Variants in CNTN4 observed in about 807,000 individuals in gnomAD.
CNTN4 encodes the protein contactin 4.
A neutral mutation model predicts 122.5 loss-of-function variants in CNTN4; 77 were observed. The observed-to-expected ratio is 0.63, with a 90% confidence interval of 0.52 to 0.76. The LOEUF is 0.76. Ranked by LOEUF, CNTN4 falls within the 30% of genes least tolerant of loss-of-function variation. The pLI is 0.00. For missense variants in CNTN4, 1,256 were observed against 1,259.1 expected (o/e 1.00, Z 0.04); for synonymous variants, 512 against 447.0 (o/e 1.15, Z -1.83).
intron 4 of CNTN4, among the ~76,000 whole-genome samples, chr3:2,615,638 G>A (rs28424221): frequency 0.66 from 100,494 of 151,952 alleles, 33,732 homozygotes; most frequent in Admixed American, 0.7. Context: ...ATACCCTAAA[G>A]TATACTTGTT....
At chr3:2,850,634 T>A (rs1039173364) in intron 7 of CNTN4, among the ~76,000 whole-genome samples, 1 of 152,140 alleles carries the variant, frequency 6.6e-6, no homozygotes, top group Non-Finnish European at 1.5e-5. Context: ...TTATTTATCA[T>A]TTATCTAGAT....
rs572476113 is a variant in CNTN4 at position 2,450,419 on chromosome 3, G to T, written c.-89+111186G>T. The stretch of plus-strand genomic sequence containing the variant: ...ATAAAATAAAAAAGATGCCAGTCAG[G>T]TGTGTGTATAGGAGCTAGGAGATAG... On this transcript the variant is annotated intron_variant, in intron 3 of 24. Coordinates refer to ENST00000418658, the MANE Select transcript of CNTN4 (RefSeq NM_175607.3). Among the ~76,000 whole-genome samples, 19 of 151,898 alleles carry T rather than the reference G, an allele frequency of 1.3e-4. 1 individual carries two copies. The South Asian group carries it at 4.0e-3, about 32-fold the overall frequency.
At chr3:2,932,365 G>A (rs1052305759) in intron 13 of CNTN4, among the ~76,000 whole-genome samples, 7 of 152,250 alleles carry the variant, frequency 4.6e-5, no homozygotes, top group South Asian at 4.1e-4. Flanking sequence ...GTGACAGAGC[G>A]AGACTCCGTC....
At chr3:2,401,676 A>T (rs1001126498) in intron 3 of CNTN4, among the ~76,000 whole-genome samples, 2 of 152,122 alleles carry the variant, frequency 1.3e-5, no homozygotes, top group Non-Finnish European at 2.9e-5. Flanking sequence ...TCTTATTAGG[A>T]GTGAACAGTG....
At chr3:2,536,539 C>G (rs1175435167) in intron 3 of CNTN4, among the ~76,000 whole-genome samples, 2 of 151,518 alleles carry the variant, frequency 1.3e-5, no homozygotes, top group Non-Finnish European at 2.9e-5. Flanking sequence ...GAGGTCATAT[C>G]AAAGTAGTAC....
At chr3:2,397,582 CAGCT>C (rs1285533824) in intron 3 of CNTN4, among the ~76,000 whole-genome samples, 1 of 151,916 alleles carries the variant, frequency 6.6e-6, no homozygotes, top group African/African-American at 2.4e-5. Context: ...CTACAGTATG[CAGCT>C]AATGTTGCAA....
chr3:2,836,613 A>G (rs1425884940), intron 7 of CNTN4, among the ~76,000 whole-genome samples: 1 of 152,226 alleles, frequency 6.6e-6, no homozygotes, highest in Non-Finnish European at 1.5e-5. Flanking sequence ...ACACTTTAGG[A>G]CATGTATATA....
intron 4 of CNTN4, among the ~76,000 whole-genome samples, chr3:2,598,976 A>G (rs2080901458): frequency 6.6e-6 from 1 of 152,240 alleles, no homozygotes; most frequent in South Asian, 2.1e-4. Flanking sequence ...TCTAAGGAAA[A>G]TAAGCTAACA....
chr3:2,255,933 T>C (rs1455199507), intron 2 of CNTN4, among the ~76,000 whole-genome samples: 1 of 151,420 alleles, frequency 6.6e-6, no homozygotes, highest in Non-Finnish European at 1.5e-5. Flanking sequence ...AAGAAACAAC[T>C]AAGATCAGAG....
intron 3 of CNTN4, among the ~76,000 whole-genome samples, chr3:2,350,221 C>G (rs1336607718): frequency 3.3e-5 from 5 of 152,078 alleles, no homozygotes; most frequent in Admixed American, 2.6e-4. Context: ...TAGGTAGATG[C>G]CAAGTCTTAG....
At chr3:2,926,281 C>T (rs2094472523) in intron 13 of CNTN4, among the ~76,000 whole-genome samples, 1 of 152,092 alleles carries the variant, frequency 6.6e-6, no homozygotes, top group Non-Finnish European at 1.5e-5. Flanking sequence ...GAGTGTTATG[C>T]TTTTTATTTC....
At chr3:2,535,714 A>T (rs1040738942) in intron 3 of CNTN4, among the ~76,000 whole-genome samples, 7 of 152,138 alleles carry the variant, frequency 4.6e-5, no homozygotes, top group African/African-American at 1.4e-4. Flanking sequence ...TGGATTTGGT[A>T]GTTGTATATT....
chr3:2,701,003 C>T (rs141254253), intron 4 of CNTN4, among the ~76,000 whole-genome samples: 2 of 152,206 alleles, frequency 1.3e-5, no homozygotes, highest in African/African-American at 4.8e-5. Context: ...GGTGAAATTG[C>T]TCATAGATAC....
intron 3 of CNTN4, among the ~76,000 whole-genome samples, chr3:2,444,080 A>G (rs968139130): frequency 1.3e-5 from 2 of 152,042 alleles, no homozygotes; most frequent in African/African-American, 4.8e-5. Flanking sequence ...GTAATTTTGT[A>G]TATATTTACA....
chr3:2,847,887 C>G (rs1471135492), intron 7 of CNTN4, among the ~76,000 whole-genome samples: 1 of 152,132 alleles, frequency 6.6e-6, no homozygotes, highest in Non-Finnish European at 1.5e-5. Flanking sequence ...ACTTGACACC[C>G]AAAACAACTC....
At chr3:2,992,741 T>C (rs6442772) in intron 14 of CNTN4, among the ~76,000 whole-genome samples, 78,017 of 152,058 alleles carry the variant, frequency 0.51, 20,678 homozygotes, top group African/African-American at 0.64. Context: ...TGGATGCTGT[T>C]AACATAGTCA....
At chr3:2,590,847 T>C (rs2149655807) in intron 4 of CNTN4, among the ~76,000 whole-genome samples, 1 of 152,216 alleles carries the variant, frequency 6.6e-6, no homozygotes, top group Non-Finnish European at 1.5e-5. Flanking sequence ...TAGATAGCAC[T>C]GTATCATTTG....
At position 2,571,493 on chromosome 3, in the gene CNTN4, G is replaced by A. The variant is rs758286283; in HGVS notation, c.-11G>A. On this transcript the variant is annotated 5_prime_UTR_variant, in exon 4 of 25. Coordinates refer to ENST00000418658, the MANE Select transcript of CNTN4 (RefSeq NM_175607.3). ...TGGACTTGAAACTCCCTTTGACCTC[G>A]GAAACTGAAGATGAGGTTGCCATGG... 33 of 1,610,734 alleles carry A rather than the reference G, an allele frequency of 2.0e-5. No homozygotes were observed. Among genetic ancestry groups the A allele is most frequent in the African/African-American group, 1.9e-4 (14 of 74,842 alleles).
chr3:2,751,151 A>G (rs909759519), intron 6 of CNTN4, among the ~76,000 whole-genome samples: 2 of 151,702 alleles, frequency 1.3e-5, no homozygotes, highest in African/African-American at 4.8e-5. Flanking sequence ...AAAATACAAA[A>G]AAAAAAATTA....
Sources: gnomAD v4.1 joint callset for allele counts (sites outside exome capture counted in the v4.1 genomes callset) on GRCh38, gnomAD v4.1.1 for gene constraint, MANE v1.5 for transcripts, NCBI Gene and HGNC (gene_info 2026-07-23, HGNC 2026-07-21) for gene names.